NTRK3: variants seen among roughly 807,000 people sequenced by gnomAD.
The protein encoded by NTRK3 is NT-3 growth factor receptor.
NTRK3 carries 24 observed loss-of-function variants against 91.7 expected under a neutral mutation model. The ratio of observed to expected loss-of-function variants is 0.26; its 90% CI spans 0.19 to 0.37. NTRK3 has a LOEUF of 0.37. NTRK3 is among the 10% of genes least tolerant of loss of function. The probability of loss-of-function intolerance (pLI) is 1.00; values close to 1 mark genes in which losing one functional copy is unlikely to be tolerated. For missense variants in NTRK3, 880 were observed against 1,068.9 expected (o/e 0.82, Z 2.46); for synonymous variants, 483 against 404.0 (o/e 1.20, Z -2.34).
exon 19 of NTRK3, chr15:87,870,630 T>A (rs2064805318): frequency 4.7e-6 from 1 of 213,838 alleles, no homozygotes; most frequent in African/African-American, 2.3e-5. Context: ...AATAAAAGAC[T>A]GTCAGAGTAC....
At chr15:87,914,993 G>A (rs886360609) in intron 17 of NTRK3, among the ~76,000 whole-genome samples, 4 of 152,182 alleles carry the variant, frequency 2.6e-5, no homozygotes, top group Admixed American at 6.5e-5. Context: ...TGGTGTTGGT[G>A]ATGGTGTTGG....
At chr15:88,215,380 C>G (rs144347288) in intron 3 of NTRK3, among the ~76,000 whole-genome samples, 5 of 152,346 alleles carry the variant, frequency 3.3e-5, no homozygotes, top group African/African-American at 1.2e-4. Flanking sequence ...ATAACTGTCT[C>G]CCTCGTGCAG....
chr15:88,039,187 T>C (rs922417198), intron 13 of NTRK3, among the ~76,000 whole-genome samples: 1 of 151,326 alleles, frequency 6.6e-6, no homozygotes, highest in East Asian at 1.9e-4. Context: ...ACAGCCCGCC[T>C]ATTACCTGTT....
Position 88,222,073 on chromosome 15 carries a change from G to A in NTRK3, c.248+33833C>T, listed in dbSNP as rs1417751673. Among the ~76,000 whole-genome samples the A allele has an allele frequency of 3.9e-5, 6 of 152,232 alleles. No homozygotes were observed. In the South Asian group the frequency reaches 1.2e-3, roughly 32 times the overall value. ...CTGTCATACCTCAAAGCATGAGCTAGAAAGCAGACTTTGCAGCCCATGTTG... is the reference window on the plus strand; with the variant it reads ...CTGTCATACCTCAAAGCATGAGCTAAAAAGCAGACTTTGCAGCCCATGTTG... On this transcript the variant is annotated intron_variant, in intron 3 of 18. Coordinates refer to ENST00000394480, the Ensembl canonical transcript of NTRK3.
At chr15:88,028,249 G>C (rs1395786786) in intron 14 of NTRK3, among the ~76,000 whole-genome samples, 2 of 152,196 alleles carry the variant, frequency 1.3e-5, no homozygotes, top group Admixed American at 6.5e-5. Flanking sequence ...AGCTATGGTT[G>C]GACGTGAGCC....
At chr15:88,217,206 A>C (rs868854740) in intron 3 of NTRK3, among the ~76,000 whole-genome samples, 18 of 152,356 alleles carry the variant, frequency 1.2e-4, no homozygotes, top group Middle Eastern at 3.4e-3. Flanking sequence ...GTAGTTCCCC[A>C]GTTAAACAAA....
At chr15:87,990,669 T>C (rs919969753) in intron 14 of NTRK3, among the ~76,000 whole-genome samples, 1 of 152,184 alleles carries the variant, frequency 6.6e-6, no homozygotes, top group Non-Finnish European at 1.5e-5. Context: ...TTCAATATTA[T>C]CTCCAACTTC....
At chr15:87,959,954 G>A (rs1265052625) in intron 14 of NTRK3, among the ~76,000 whole-genome samples, 1 of 152,228 alleles carries the variant, frequency 6.6e-6, no homozygotes, top group Non-Finnish European at 1.5e-5. Flanking sequence ...GGAGATGAAG[G>A]AGGTTGCCTG....
At chr15:87,896,911 A>G (rs892568023) in intron 17 of NTRK3, among the ~76,000 whole-genome samples, 6 of 152,330 alleles carry the variant, frequency 3.9e-5, no homozygotes, top group Admixed American at 3.3e-4. Context: ...GACAAACTGA[A>G]TATCTCAGCC....
intron 5 of NTRK3, among the ~76,000 whole-genome samples, chr15:88,181,761 T>C (rs189615532): frequency 6.6e-6 from 1 of 152,192 alleles, no homozygotes; most frequent in African/African-American, 2.4e-5. Flanking sequence ...TGGAAACAAG[T>C]CTGACCACAC....
chr15:88,001,523 G>A (rs1001951545), intron 14 of NTRK3, among the ~76,000 whole-genome samples: 4 of 152,154 alleles, frequency 2.6e-5, no homozygotes, highest in Non-Finnish European at 5.9e-5. Flanking sequence ...TATATGGTAT[G>A]TGGTAGGGGT....
At chr15:87,993,985 AAG>A (rs1397239942) in intron 14 of NTRK3, among the ~76,000 whole-genome samples, 1 of 152,204 alleles carries the variant, frequency 6.6e-6, no homozygotes. Flanking sequence ...TAAAAAGGAA[AAG>A]AGAGCATGGG....
chr15:88,027,121 G>C (rs902443933), intron 14 of NTRK3, among the ~76,000 whole-genome samples: 2 of 152,074 alleles, frequency 1.3e-5, no homozygotes, highest in Admixed American at 6.6e-5. Context: ...TCTAGGCAAC[G>C]AGATTTGATA....
At chr15:88,059,652 T>C (rs1382599343) in intron 13 of NTRK3, among the ~76,000 whole-genome samples, 1 of 152,174 alleles carries the variant, frequency 6.6e-6, no homozygotes, top group Non-Finnish European at 1.5e-5. Context: ...CCATCGTGTG[T>C]GCAGTGAGAC....
intron 14 of NTRK3, among the ~76,000 whole-genome samples, chr15:87,949,129 G>A (rs532383499): frequency 1.3e-5 from 2 of 152,142 alleles, no homozygotes; most frequent in East Asian, 3.9e-4. Context: ...ACTTTAGCAG[G>A]GAAAACACTG....
chr15:88,061,287 G>A (rs1346840340), intron 13 of NTRK3, among the ~76,000 whole-genome samples: 2 of 152,228 alleles, frequency 1.3e-5, no homozygotes, highest in East Asian at 1.9e-4. Context: ...CAGGAAAAGA[G>A]TACGGTCAAG....
At chr15:87,883,255 T>C (rs1234580440) in intron 17 of NTRK3, among the ~76,000 whole-genome samples, 10 of 149,642 alleles carry the variant, frequency 6.7e-5, no homozygotes, top group Non-Finnish European at 1.2e-4. Flanking sequence ...AAATAATTTA[T>C]ATTAAATTTA....
chr15:88,047,262 C>T (rs1948066), intron 13 of NTRK3, among the ~76,000 whole-genome samples: 47,121 of 152,026 alleles, frequency 0.31, 7,433 homozygotes, highest in South Asian at 0.4. Context: ...CACAATTTTA[C>T]ACCTTCTTCC....
At chr15:88,026,520 G>T (rs1028215928) in intron 14 of NTRK3, among the ~76,000 whole-genome samples, 5 of 152,114 alleles carry the variant, frequency 3.3e-5, no homozygotes, top group Non-Finnish European at 7.3e-5. Flanking sequence ...GGACATTTTG[G>T]ACAGTGAAAT....
Sources: allele counts gnomAD v4.1 joint callset (sites outside exome capture counted in the v4.1 genomes callset), GRCh38; gene constraint gnomAD v4.1.1; transcripts MANE v1.5; gene names NCBI Gene and HGNC (gene_info 2026-07-23, HGNC 2026-07-21).